The following DMXL2 variants were observed in gnomAD, a reference collection of about 807,000 sequenced individuals.
The protein encoded by DMXL2 is dmX-like protein 2.
DMXL2 carries 103 observed loss-of-function variants against 331.1 expected under a neutral mutation model. The ratio of observed to expected loss-of-function variants is 0.31; its 90% CI spans 0.27 to 0.37. The LOEUF (loss-of-function observed/expected upper bound fraction) is 0.37. Ranked by LOEUF, DMXL2 falls within the 10% of genes least tolerant of loss-of-function variation. DMXL2 has a pLI of 1.00. For missense variants in DMXL2, 3,171 were observed against 3,642.9 expected (o/e 0.87, Z 3.33); for synonymous variants, 1,281 against 1,252.1 (o/e 1.02, Z -0.49).
intron 1 of DMXL2, among the ~76,000 whole-genome samples, chr15:51,580,297 A>C (rs1038381942): frequency 6.6e-6 from 1 of 152,204 alleles, no homozygotes; most frequent in African/African-American, 2.4e-5. Flanking sequence ...GACTACAAGC[A>C]AATACTAAAT....
chr15:51,507,059 A>C, intron 16 of DMXL2, 75 bp downstream of exon 16: 3 of 1,226,074 alleles, frequency 2.4e-6, no homozygotes, highest in Non-Finnish European at 3.2e-6. Context: ...ATTTTACAGA[A>C]TTAACCAAAG....
chr15:51,538,428 G>C lies in DMXL2; in HGVS notation c.1130C>G (p.Thr377Ser), dbSNP rs202104640. 13 of 1,609,144 alleles carry C rather than the reference G, an allele frequency of 8.1e-6. No individual in the cohort carries two copies. The highest frequency in any genetic ancestry group is 1.0e-5 in the Non-Finnish European group (12 of 1,176,928). The change falls in exon 10 of 44, where the codon ACT (threonine) becomes AGT (serine). Residue 377 changes from threonine to serine, a missense_variant. Physicochemically the swap from Thr to Ser is moderately conservative, Grantham distance 58 (BLOSUM62 1). Transcript: ENST00000560891. ...ATTTCCATCATCAACATTAAATGCA[G>C]TGCCAACCAAGACATTTGGAATATC... ...ATDIPNVLVGTAFNVDDGNGG... is the reference protein window; with the variant it reads ...ATDIPNVLVGSAFNVDDGNGG...
intron 1 of DMXL2, among the ~76,000 whole-genome samples, chr15:51,586,688 T>C (rs1429254629): frequency 6.6e-6 from 1 of 152,090 alleles, no homozygotes; most frequent in Non-Finnish European, 1.5e-5. Context: ...AAACTAAGTC[T>C]ATTTATATAC....
At chr15:51,507,664 G>A (rs773528107) in intron 15 of DMXL2, among the ~76,000 whole-genome samples, 24 of 152,028 alleles carry the variant, frequency 1.6e-4, no homozygotes, top group African/African-American at 5.1e-4. Context: ...GGAAGGAAGC[G>A]GGGTGCTGAG....
chr15:51,524,646 T>C (rs891730762), intron 13 of DMXL2, among the ~76,000 whole-genome samples: 46 of 152,088 alleles, frequency 3.0e-4, no homozygotes, highest in African/African-American at 1.1e-3. Context: ...GCTGCCTTGT[T>C]ATATAGCAGA....
At chr15:51,528,318 G>A (rs965590392) in intron 13 of DMXL2, among the ~76,000 whole-genome samples, 1 of 151,904 alleles carries the variant, frequency 6.6e-6, no homozygotes, top group Admixed American at 6.6e-5. Context: ...AATAATCTGT[G>A]GCCTGCAAAA....
Position 51,499,394 on chromosome 15 carries a change from G to T in DMXL2, c.3830C>A (p.Ala1277Asp). The T allele has an allele frequency of 6.2e-7, 1 of 1,613,798 alleles. No individual in the cohort carries two copies. The highest frequency in any genetic ancestry group is 8.5e-7 in the Non-Finnish European group (1 of 1,180,018). Residue 1277 changes from alanine to aspartate, a missense_variant, in exon 18 of 44, where the codon GCT becomes GAT. By Grantham distance (126) the Ala-to-Asp change is moderately radical. Coordinates refer to ENST00000560891, the MANE Select transcript of DMXL2 (RefSeq NM_001378457.1). Reference sequence around the variant, plus strand: ...AGCTTCAGTGTCTCCAAATTTGACAGCATGCTTCCACTGTGCATATACATG... The same window carrying T: ...AGCTTCAGTGTCTCCAAATTTGACATCATGCTTCCACTGTGCATATACATG... ...EMHVYAQWKH[A>D]VKFGDTEADS...
intron 43 of DMXL2, among the ~76,000 whole-genome samples, chr15:51,449,526 C>G (rs2038947926): frequency 6.6e-6 from 1 of 152,162 alleles, no homozygotes; most frequent in Non-Finnish European, 1.5e-5. Flanking sequence ...TAGTGTGGTA[C>G]AGACAGTCCC....
intron 14 of DMXL2, 60 bp from the exon 15 acceptor site, chr15:51,514,619 CCATCTGT>C: frequency 1.1e-6 from 1 of 943,274 alleles, no homozygotes; most frequent in South Asian, 1.4e-5. Context: ...CTCCCATCTC[CCATCTGT>C]CACCTCCCCA....
At chr15:51,470,331 A>G (rs967149010) in intron 29 of DMXL2, among the ~76,000 whole-genome samples, 2 of 152,072 alleles carry the variant, frequency 1.3e-5, no homozygotes, top group African/African-American at 4.8e-5. Flanking sequence ...GACATGGTCT[A>G]TGTTGTCCAG....
intron 20 of DMXL2, among the ~76,000 whole-genome samples, 156 bp downstream of exon 20, chr15:51,491,422 C>T (rs1231228236): frequency 6.6e-6 from 1 of 151,020 alleles, no homozygotes; most frequent in African/African-American, 2.4e-5. Context: ...GCCTAGGCGA[C>T]AAGAGCGAAA....
chr15:51,563,328 C>A, intron 6 of DMXL2, 53 bp downstream of exon 6: 1 of 1,366,586 alleles, frequency 7.3e-7, no homozygotes. Context: ...AAATAAGGAA[C>A]ATTTTAAATT....
chr15:51,524,426 C>T (rs1014787527), intron 13 of DMXL2, among the ~76,000 whole-genome samples: 2 of 152,166 alleles, frequency 1.3e-5, no homozygotes, highest in African/African-American at 4.8e-5. Flanking sequence ...AAAAAAAGCA[C>T]CTTCATAAGA....
intron 43 of DMXL2, 26 bp downstream of exon 43, chr15:51,450,103 C>T: frequency 6.2e-7 from 1 of 1,602,298 alleles, no homozygotes; most frequent in Non-Finnish European, 8.5e-7. Flanking sequence ...GTCTTTAGCA[C>T]ATTCCAACCT....
chr15:51,549,913 C>G (rs1465379324), intron 6 of DMXL2, among the ~76,000 whole-genome samples: 1 of 152,096 alleles, frequency 6.6e-6, no homozygotes, highest in Non-Finnish European at 1.5e-5. Context: ...TGTGGACTGT[C>G]TGTTTACTCT....
rs376711302 is a variant in DMXL2 at position 51,449,228 on chromosome 15, C to T, written c.8968-35G>A. 3.6e-5 allele frequency: 58 copies of T among 1,607,558 alleles called. No homozygotes were observed. In the African/African-American group the frequency reaches 5.3e-4, roughly 15 times the overall value. On this transcript the variant is annotated intron_variant, in intron 43 of 43. Coordinates refer to ENST00000560891, the MANE Select transcript of DMXL2 (RefSeq NM_001378457.1). ...AACAAAAGGAGTTAAAAATATATTA[C>T]GAAAAGACCAAAAGCAAAAACATGG...
At chr15:51,549,361 G>A (rs1428082971) in intron 6 of DMXL2, among the ~76,000 whole-genome samples, 2 of 151,872 alleles carry the variant, frequency 1.3e-5, no homozygotes, top group Non-Finnish European at 2.9e-5. Context: ...TCCACTCATT[G>A]ACTGATGGGC....
At chr15:51,607,780 C>T (rs115788885) in intron 1 of DMXL2, among the ~76,000 whole-genome samples, 11 of 152,280 alleles carry the variant, frequency 7.2e-5, no homozygotes, top group African/African-American at 1.7e-4. Context: ...TAGCAGTTTA[C>T]GTCTCAACAG....
chr15:51,497,312 C>A (rs2043254030), intron 18 of DMXL2, among the ~76,000 whole-genome samples: 1 of 152,158 alleles, frequency 6.6e-6, no homozygotes, highest in Non-Finnish European at 1.5e-5. Flanking sequence ...CTACCTTTCC[C>A]CCACAGATCT....
Sources: gnomAD v4.1 joint callset for allele counts (sites outside exome capture counted in the v4.1 genomes callset) on GRCh38, gnomAD v4.1.1 for gene constraint, MANE v1.5 for transcripts, NCBI Gene and HGNC (gene_info 2026-07-23, HGNC 2026-07-21) for gene names.